NDUFA7: variants seen among roughly 807,000 people sequenced by gnomAD.
NDUFA7 encodes NADH:ubiquinone oxidoreductase subunit A7.
In NDUFA7, 18 loss-of-function variants were observed where a neutral mutation model predicts 14.2. The ratio of observed to expected loss-of-function variants is 1.27; its 90% CI spans 0.88 to 1.88. The LOEUF is 1.88. NDUFA7 is among the 40% of genes most tolerant of loss of function. NDUFA7 has a pLI of 0.00. For synonymous variants in NDUFA7, 75 were observed against 62.1 expected, an observed-to-expected ratio of 1.21 and a Z score of -0.98; for missense variants, 172 against 147.3, an observed-to-expected ratio of 1.17 and a Z score of -0.87.
downstream of NDUFA7, among the ~76,000 whole-genome samples, chr19:8,309,249 C>T (rs944274550): frequency 1.1e-4 from 16 of 152,084 alleles, no homozygotes; most frequent in African/African-American, 1.4e-4. Flanking sequence ...CCGAGGCAGG[C>T]GGATCACGAG....
chr19:8,311,857 T>G (rs1970182174), intron 3 of NDUFA7, among the ~76,000 whole-genome samples: 1 of 152,146 alleles, frequency 6.6e-6, no homozygotes, highest in South Asian at 2.1e-4. Context: ...CAGAACCCAC[T>G]GTGGAGAGCT....
downstream of NDUFA7, among the ~76,000 whole-genome samples, chr19:8,310,044 T>C (rs892296522): frequency 4.6e-5 from 7 of 152,168 alleles, no homozygotes; most frequent in Non-Finnish European, 1.0e-4. Flanking sequence ...GCCTTCCCCG[T>C]TGAGCTGCAG....
intron 3 of NDUFA7, among the ~76,000 whole-genome samples, chr19:8,314,402 G>A (rs1020300658): frequency 2.6e-5 from 4 of 152,000 alleles, no homozygotes; most frequent in African/African-American, 9.7e-5. Context: ...AGGGACCCCG[G>A]ACTTCATCTG....
chr19:8,312,180 C>G (rs542601547), intron 3 of NDUFA7, among the ~76,000 whole-genome samples: 1 of 152,214 alleles, frequency 6.6e-6, no homozygotes. Flanking sequence ...GACCCTGTGC[C>G]GGCAAGTCCA....
chr19:8,316,306 C>A (rs1467010325), intron 3 of NDUFA7, among the ~76,000 whole-genome samples, 190 bp downstream of exon 3: 5 of 152,092 alleles, frequency 3.3e-5, no homozygotes, highest in Admixed American at 3.3e-4. Context: ...TCCTGGGCAA[C>A]AGAGCAAGAC....
intron 3 of NDUFA7, among the ~76,000 whole-genome samples, chr19:8,315,895 C>T (rs1244031183): frequency 6.6e-6 from 1 of 151,966 alleles, no homozygotes; most frequent in Non-Finnish European, 1.5e-5. Context: ...TGGGTCACGC[C>T]TGTAATCCTA....
chr19:8,313,908 C>G lies in NDUFA7; in HGVS notation c.252-2313G>C, dbSNP rs752085573. ...AATATTAATTATGAGGACTAACCCTCGTAACAGCTTTCTGAAGTAGATGCT... is the reference window on the plus strand; with the variant it reads ...AATATTAATTATGAGGACTAACCCTGGTAACAGCTTTCTGAAGTAGATGCT... On this transcript the variant is annotated intron_variant, in intron 3 of 3. Coordinates refer to ENST00000301457, the MANE Select transcript of NDUFA7 (RefSeq NM_005001.5). 6.6e-5 allele frequency among the ~76,000 whole-genome samples: 10 copies of G among 152,314 alleles called. No individual in the cohort carries two copies. In the South Asian group the frequency reaches 1.0e-3, roughly 16 times the overall value.
At chr19:8,321,228 G>T in intron 1 of NDUFA7, 80 bp downstream of exon 1, 1 of 1,420,024 alleles carries the variant, frequency 7.0e-7, no homozygotes, top group Non-Finnish European at 9.4e-7. Context: ...CGGCTTAGGA[G>T]GGAGGTGAGG....
intron 1 of NDUFA7, 41 bp from the exon 2 acceptor site, chr19:8,320,947 C>A: frequency 1.2e-6 from 2 of 1,611,242 alleles, no homozygotes; most frequent in African/African-American, 2.7e-5. Context: ...GCAAGGCACC[C>A]CAGGAGAGAG....
chr19:8,312,181 G>A (rs977786659), intron 3 of NDUFA7, among the ~76,000 whole-genome samples: 5 of 152,280 alleles, frequency 3.3e-5, no homozygotes, highest in East Asian at 1.9e-4. Flanking sequence ...ACCCTGTGCC[G>A]GCAAGTCCAG....
intron 3 of NDUFA7, among the ~76,000 whole-genome samples, chr19:8,311,817 G>A (rs1379045482): frequency 6.6e-6 from 1 of 152,180 alleles, no homozygotes; most frequent in East Asian, 1.9e-4. Flanking sequence ...CCTGAGCCCT[G>A]TATGAACCCC....
downstream of NDUFA7, among the ~76,000 whole-genome samples, chr19:8,309,223 C>T (rs1970144858): frequency 6.6e-6 from 1 of 152,050 alleles, no homozygotes; most frequent in Admixed American, 6.6e-5. Context: ...CCTGTTAACC[C>T]CAGCACTTTG....
At chr19:8,317,738 A>C (rs986962353) in intron 2 of NDUFA7, among the ~76,000 whole-genome samples, 3 of 152,176 alleles carry the variant, frequency 2.0e-5, no homozygotes, top group Admixed American at 6.6e-5. Context: ...ATCATAGCTC[A>C]CTGCAGCCTC....
chr19:8,317,620 C>T (rs1970250729), intron 2 of NDUFA7, among the ~76,000 whole-genome samples: 1 of 152,166 alleles, frequency 6.6e-6, no homozygotes, highest in African/African-American at 2.4e-5. Context: ...TTCTAAGTCA[C>T]TTTTTTGTCT....
chr19:8,321,214 G>A, intron 1 of NDUFA7, 94 bp downstream of exon 1: 1 of 1,379,072 alleles, frequency 7.3e-7, no homozygotes, highest in East Asian at 2.5e-5. Flanking sequence ...AGAGCGAAGG[G>A]TCCCGGCTTA....
intron 3 of NDUFA7, among the ~76,000 whole-genome samples, chr19:8,312,295 G>A (rs1970187851): frequency 6.6e-6 from 1 of 152,192 alleles, no homozygotes; most frequent in African/African-American, 2.4e-5. Context: ...GATGGAGGAG[G>A]CGCCCCAGGG....
Position 8,320,856 on chromosome 19 carries a change from C to T in NDUFA7, c.101+1G>A. ...CTGGGCAGCGAGCGGGGCCTGCTCA[C>T]CGCTTGGAGATCTCCTGGTAGCGTA... On this transcript the variant is annotated splice_donor_variant, in intron 2 of 3. Transcript: ENST00000301457. LOFTEE classifies it high-confidence loss of function. 1.9e-6 allele frequency: 3 copies of T among 1,613,758 alleles called. No homozygotes were observed. The highest frequency in any genetic ancestry group is 2.5e-6 in the Non-Finnish European group (3 of 1,180,020).
rs1970173483 is a variant in NDUFA7 at position 8,311,286 on chromosome 19, T to C, written c.*219A>G. On this transcript the variant is annotated 3_prime_UTR_variant, in exon 4 of 4. Transcript: ENST00000301457. The stretch of plus-strand genomic sequence containing the variant: ...CAGGTGTGGTGGCTCATGCCTGTAA[T>C]CCCAGCACTTTGGGAGGTCAAGGCA... 1 of 361,668 alleles carries C rather than the reference T, an allele frequency of 2.8e-6. No individual in the cohort carries two copies. Among genetic ancestry groups the C allele is most frequent in the African/African-American group, 2.1e-5 (1 of 46,862 alleles). 22.4% of individuals were successfully genotyped at this position (361,668 alleles called of 1,614,324 possible).
rs1970238434 is a variant in NDUFA7, at chr19:8,316,633, A to G, written c.114T>C (p.Pro38=). 2 of 1,614,014 alleles carry G rather than the reference A, an allele frequency of 1.2e-6. No homozygotes were observed. The highest frequency in any genetic ancestry group is 1.7e-6 in the Non-Finnish European group (2 of 1,179,950). Residue 38 remains proline (P), a synonymous_variant, in exon 3 of 4, where the codon CCT becomes CCC. Coordinates refer to ENST00000301457, the MANE Select transcript of NDUFA7 (RefSeq NM_005001.5). ...YQEISKRTQP[P]PKLPVGPSHK... ...GGCTAGGACCCACAGGGAGCTTGGG[A>G]GGAGGCTGAGTTCTGAGGGGAAAAA...
Sources: allele counts gnomAD v4.1 joint callset (sites outside exome capture counted in the v4.1 genomes callset), GRCh38; gene constraint gnomAD v4.1.1; transcripts MANE v1.5; gene names NCBI Gene and HGNC (gene_info 2026-07-23, HGNC 2026-07-21).